Variants in CAMK4 observed in about 807,000 individuals in gnomAD.
The protein encoded by CAMK4 is calcium/calmodulin-dependent protein kinase type IV.
In CAMK4, 22 loss-of-function variants were observed where a neutral mutation model predicts 44.9. The observed-to-expected ratio is 0.49, with a 90% confidence interval of 0.35 to 0.70. The LOEUF is 0.70. Among genes scored for constraint, CAMK4 ranks in the 30% least tolerant of loss-of-function variants. CAMK4 has a pLI of 0.01. For synonymous variants in CAMK4, 218 were observed against 215.4 expected, an observed-to-expected ratio of 1.01 and a Z score of -0.11; for missense variants, 498 against 586.8, an observed-to-expected ratio of 0.85 and a Z score of 1.56.
At chr5:111,239,808 C>T (rs888775223) in intron 1 of CAMK4, among the ~76,000 whole-genome samples, 2 of 152,196 alleles carry the variant, frequency 1.3e-5, no homozygotes, top group Non-Finnish European at 2.9e-5. Flanking sequence ...CACACTTTCT[C>T]AAAAATGTCA....
At position 111,493,318 on chromosome 5, in the gene CAMK4, T is replaced by TG. The variant is rs1363798423; in HGVS notation, c.*8853dup. The TG allele has an allele frequency of 2.6e-5, 4 of 152,100 alleles. No individual in the cohort carries two copies. The highest frequency in any genetic ancestry group is 5.9e-5 in the Non-Finnish European group (4 of 68,030). 9.4% of individuals were successfully genotyped at this position (152,100 alleles called of 1,614,324 possible). On this transcript the variant is annotated 3_prime_UTR_variant, in exon 11 of 11. Transcript: ENST00000282356. This position sits in a 1 kb window ranked among gnomAD's most constrained non-coding sequence, Gnocchi z 4.1. ...AGCCTCAGTCACTGAAAGCAAAAAC[T>TG]GAATTGGCCAGGTCTCCACTGACAA... is the stretch of plus-strand genomic sequence containing the variant.
At chr5:111,450,881 CAT>C (rs1754207929) in intron 7 of CAMK4, among the ~76,000 whole-genome samples, 1 of 152,056 alleles carries the variant, frequency 6.6e-6, no homozygotes, top group Admixed American at 6.5e-5. Context: ...ACCATGGAAA[CAT>C]AGAAGAAGGG....
At chr5:111,417,539 TGTAAA>T (rs1301292425) in intron 5 of CAMK4, among the ~76,000 whole-genome samples, 3 of 151,676 alleles carry the variant, frequency 2.0e-5, no homozygotes, top group African/African-American at 7.3e-5. Context: ...AAAAAAAAAT[TGTAAA>T]GAAGGGGTCT....
rs1000161058 is a variant in CAMK4 at position 111,491,041 on chromosome 5, C to G, written c.*6575C>G. Reference sequence around the variant, plus strand: ...GTTATTTATGCTCTTACTTGAATGTCAGTCATTCATTTTATCTCTCGTCTT... The same window carrying G: ...GTTATTTATGCTCTTACTTGAATGTGAGTCATTCATTTTATCTCTCGTCTT... On this transcript the variant is annotated 3_prime_UTR_variant, in exon 11 of 11. Transcript: ENST00000282356. 6.6e-6 allele frequency: 1 copy of G among 152,090 alleles called. No homozygotes were observed. Among genetic ancestry groups the G allele is most frequent in the Non-Finnish European group, 1.5e-5 (1 of 68,006 alleles). The allele number at this position is 152,090 out of a possible 1,614,324, so 9.4% of individuals were successfully genotyped here.
intron 1 of CAMK4, among the ~76,000 whole-genome samples, chr5:111,244,419 T>C (rs1242660846): frequency 1.3e-5 from 2 of 152,192 alleles, no homozygotes; most frequent in Admixed American, 1.3e-4. Context: ...GGAATCACAG[T>C]TAAGAATTCT....
chr5:111,489,810 A>G lies in CAMK4; in HGVS notation c.*5344A>G, dbSNP rs1349735012. The G allele has an allele frequency of 1.3e-5, 2 of 152,244 alleles. No homozygotes were observed. Among genetic ancestry groups the G allele is most frequent in the Non-Finnish European group, 2.9e-5 (2 of 68,048 alleles). 9.4% of individuals were successfully genotyped at this position (152,244 alleles called of 1,614,324 possible). On this transcript the variant is annotated 3_prime_UTR_variant, in exon 11 of 11. Coordinates refer to ENST00000282356, the MANE Select transcript of CAMK4 (RefSeq NM_001744.6). ...AGTAATGGAAAAATGAGATTCCACC[A>G]GTGGGTTACTCTTTTCTTGTCTTGG...
intron 1 of CAMK4, among the ~76,000 whole-genome samples, chr5:111,250,508 A>C (rs1034952215): frequency 6.6e-6 from 1 of 152,180 alleles, no homozygotes; most frequent in Non-Finnish European, 1.5e-5. Context: ...GGCTCATTAT[A>C]TGTGGACTTT....
At chr5:111,321,369 C>A (rs1748654897) in intron 1 of CAMK4, among the ~76,000 whole-genome samples, 2 of 152,138 alleles carry the variant, frequency 1.3e-5, no homozygotes, top group Non-Finnish European at 2.9e-5. Flanking sequence ...TTTTTAAAAA[C>A]CCTGTTCAGA....
At chr5:111,236,518 C>G (rs1269771152) in intron 1 of CAMK4, among the ~76,000 whole-genome samples, 2 of 152,234 alleles carry the variant, frequency 1.3e-5, no homozygotes, top group East Asian at 3.8e-4. Context: ...AGCTGAGATT[C>G]AAGCCCTGGT....
chr5:111,311,889 A>G (rs1027200811), intron 1 of CAMK4, among the ~76,000 whole-genome samples: 1 of 152,034 alleles, frequency 6.6e-6, no homozygotes, highest in Non-Finnish European at 1.5e-5. Flanking sequence ...TGTTGTTGCT[A>G]TTTGGCTTTT....
At chr5:111,369,348 A>AG (rs746363199) in intron 2 of CAMK4, among the ~76,000 whole-genome samples, 94 of 152,226 alleles carry the variant, frequency 6.2e-4, no homozygotes, top group Non-Finnish European at 1.1e-3. Context: ...TACAGGCGTG[A>AG]GCCACTACAC....
At chr5:111,342,303 G>T (rs1045626255) in intron 1 of CAMK4, among the ~76,000 whole-genome samples, 3 of 151,450 alleles carry the variant, frequency 2.0e-5, no homozygotes, top group East Asian at 3.9e-4. Flanking sequence ...AAACCCTGTT[G>T]TTAGGTGCAC....
intron 1 of CAMK4, among the ~76,000 whole-genome samples, chr5:111,265,187 C>T (rs908265231): frequency 2.3e-4 from 35 of 152,072 alleles, no homozygotes; most frequent in Admixed American, 1.8e-3. Flanking sequence ...CAAAACACCC[C>T]CTGAAACACT....
At chr5:111,442,355 G>T (rs901959254) in intron 5 of CAMK4, among the ~76,000 whole-genome samples, 1 of 152,008 alleles carries the variant, frequency 6.6e-6, no homozygotes, top group African/African-American at 2.4e-5. Context: ...AAATTAGCTG[G>T]GCATGGTGGC....
chr5:111,250,807 T>C (rs1283959222), intron 1 of CAMK4, among the ~76,000 whole-genome samples: 2 of 152,142 alleles, frequency 1.3e-5, no homozygotes, highest in Non-Finnish European at 2.9e-5. Flanking sequence ...AGTTTTCTCA[T>C]ATTTTAAAAA....
chr5:111,349,744 G>C (rs1167119410), intron 2 of CAMK4, among the ~76,000 whole-genome samples: 1 of 151,836 alleles, frequency 6.6e-6, no homozygotes, highest in Non-Finnish European at 1.5e-5. Context: ...TGACATGTCA[G>C]ACTATAAATG....
intron 1 of CAMK4, among the ~76,000 whole-genome samples, chr5:111,240,897 G>A (rs556516454): frequency 2.0e-5 from 3 of 152,166 alleles, no homozygotes; most frequent in African/African-American, 4.8e-5. Context: ...CAGTGGCAAC[G>A]ATGGTGGTAC....
chr5:111,459,686 CTTTTTTTTTTTTTT>C (rs56176713), intron 7 of CAMK4, among the ~76,000 whole-genome samples: 2 of 86,690 alleles, frequency 2.3e-5, no homozygotes, highest in Admixed American at 1.3e-4. Context: ...TAGAGACAGT[CTTTTTTTTTTTTTT>C]TTTTTTTTTT....
intron 5 of CAMK4, among the ~76,000 whole-genome samples, chr5:111,445,370 G>A (rs1163273281): frequency 6.6e-6 from 1 of 152,078 alleles, no homozygotes; most frequent in East Asian, 1.9e-4. Context: ...GAGGAAACCA[G>A]GGATATTACC....
Sources: allele counts gnomAD v4.1 joint callset (sites outside exome capture counted in the v4.1 genomes callset), GRCh38; gene constraint gnomAD v4.1.1; non-coding constraint Gnocchi (gnomAD v3.1); transcripts MANE v1.5; gene names NCBI Gene and HGNC (gene_info 2026-07-23, HGNC 2026-07-21).